Variants in R3HDM1 observed in about 807,000 individuals in gnomAD.
The protein encoded by R3HDM1 is R3H domain containing 1.
In R3HDM1, 46 loss-of-function variants were observed where a neutral mutation model predicts 141.1. The observed-to-expected ratio is 0.33, with a 90% CI of 0.26 to 0.42. The LOEUF is 0.42. Ranked by LOEUF, R3HDM1 falls within the 10% of genes least tolerant of loss-of-function variation. R3HDM1 has a pLI of 1.00. For missense variants in R3HDM1, 1,184 were observed against 1,368.3 expected, an observed-to-expected ratio of 0.87 and a Z score of 2.12; for synonymous variants, 435 against 472.9, an observed-to-expected ratio of 0.92 and a Z score of 1.04.
intron 5 of R3HDM1, among the ~76,000 whole-genome samples, chr2:135,619,442 A>G (rs1230307155): frequency 2.0e-5 from 3 of 152,218 alleles, no homozygotes; most frequent in Middle Eastern, 3.2e-3. Flanking sequence ...TGACAGTTCA[A>G]AAAGATGAGT....
At chr2:135,550,285 T>C (rs992478159) in intron 1 of R3HDM1, 2 of 935,566 alleles carry the variant, frequency 2.1e-6, no homozygotes, top group Admixed American at 1.2e-4. Context: ...GTTTTATTTG[T>C]GATATATGGA....
intron 21 of R3HDM1, among the ~76,000 whole-genome samples, chr2:135,683,593 G>A (rs1344762181): frequency 2.0e-5 from 3 of 150,794 alleles, no homozygotes; most frequent in Non-Finnish European, 2.9e-5. Context: ...ATCTCTTTGG[G>A]TGAAAAAAAA....
At chr2:135,581,523 T>A in intron 1 of R3HDM1, 1 of 481,606 alleles carries the variant, frequency 2.1e-6, no homozygotes, top group Non-Finnish European at 2.7e-6. Flanking sequence ...TTATTAATAG[T>A]ATCTCCTCTC....
chr2:135,652,004 A>C lies in R3HDM1; in HGVS notation c.2000A>C (p.Gln667Pro), dbSNP rs2305165. 0.099 allele frequency: 159,493 copies of C among 1,604,660 alleles called. 11,409 individuals carry two copies. Among genetic ancestry groups the C allele is most frequent in the Middle Eastern group, 0.3 (1,797 of 5,992 alleles). The change falls in exon 18 of 27, where the codon CAG becomes CCG. Residue 667 changes from glutamine (Q) to proline (P), a missense_variant. Transcript: ENST00000683871. The part of the protein sequence containing the change: ...HPVSQPVLQQ[Q>P]GYIQQPSPQM... ...GTCAGCCAGCCTGTGCTCCAGCAGC[A>C]GGGATATATTCAGCAGCCATCACCA...
rs1262743871 is a variant in R3HDM1, at chr2:135,650,584, GTACT to G, written c.1725+583_1725+586del. 4 of 979,964 alleles carry G rather than the reference GTACT, an allele frequency of 4.1e-6. No individual in the cohort carries two copies. In the Admixed American group the frequency reaches 2.5e-4, roughly 60 times the overall value. 60.7% of individuals were successfully genotyped at this position (979,964 alleles called of 1,614,324 possible). On this transcript the variant is annotated intron_variant, in intron 17 of 26. Coordinates refer to ENST00000683871, the MANE Select transcript of R3HDM1 (RefSeq NM_001378107.1). ...ACTCTGAGAGTGGTATACAATTATG[GTACT>G]TCTGTTAACAATATTTGATCATATA...
chr2:135,705,127 G>A (rs1245594713), intron 21 of R3HDM1, among the ~76,000 whole-genome samples: 1 of 152,198 alleles, frequency 6.6e-6, no homozygotes, highest in Non-Finnish European at 1.5e-5. Context: ...ATGGCAACAT[G>A]TATTAATTTG....
intron 9 of R3HDM1, 105 bp from the exon 10 acceptor site, chr2:135,635,784 GT>G: frequency 3.6e-6 from 5 of 1,383,080 alleles, no homozygotes; most frequent in Non-Finnish European, 4.8e-6. Context: ...GCACTAAAAA[GT>G]GGTAACTTAT....
chr2:135,619,876 T>C (rs1451967527), intron 5 of R3HDM1: 2 of 227,744 alleles, frequency 8.8e-6, no homozygotes, highest in Non-Finnish European at 7.3e-6. Context: ...ACAGATGTTA[T>C]TGACAGAGTG....
intron 5 of R3HDM1, chr2:135,619,743 A>G (rs1030210049): frequency 1.0e-6 from 1 of 967,830 alleles, no homozygotes; most frequent in Non-Finnish European, 1.2e-6. Context: ...TGCTTGATTC[A>G]GAATGTGATT....
chr2:135,582,193 G>A (rs1706965569), intron 1 of R3HDM1, among the ~76,000 whole-genome samples: 1 of 152,102 alleles, frequency 6.6e-6, no homozygotes, highest in African/African-American at 2.4e-5. Flanking sequence ...AGCCAGGCAT[G>A]GTGGCGCACA....
intron 15 of R3HDM1, 134 bp downstream of exon 15, chr2:135,641,924 A>T (rs996959682): frequency 1.8e-6 from 2 of 1,128,578 alleles, no homozygotes; most frequent in Non-Finnish European, 1.2e-6. Context: ...ACTTTATAAC[A>T]AAAACACTTA....
chr2:135,612,309 A>G (rs2060621601), intron 3 of R3HDM1, among the ~76,000 whole-genome samples: 2 of 152,334 alleles, frequency 1.3e-5, no homozygotes, highest in South Asian at 4.1e-4. Context: ...AACCTCTTCA[A>G]GGTGTTTTGA....
chr2:135,576,201 C>T (rs919567830), intron 1 of R3HDM1, among the ~76,000 whole-genome samples: 1 of 151,932 alleles, frequency 6.6e-6, no homozygotes, highest in African/African-American at 2.4e-5. Context: ...AGTTTGAGAC[C>T]ACCCTGGATA....
chr2:135,609,562 G>A (rs2060352844), intron 3 of R3HDM1, among the ~76,000 whole-genome samples: 1 of 152,164 alleles, frequency 6.6e-6, no homozygotes, highest in East Asian at 1.9e-4. Flanking sequence ...CATTTGGAAG[G>A]TTGGGGTGGT....
intron 1 of R3HDM1, among the ~76,000 whole-genome samples, chr2:135,562,109 C>T (rs1397078522): frequency 6.6e-6 from 1 of 152,200 alleles, no homozygotes; most frequent in Non-Finnish European, 1.5e-5. Context: ...AGAAACAGCC[C>T]ATTGCACAAT....
chr2:135,716,365 G>T (rs2076152195), intron 24 of R3HDM1, among the ~76,000 whole-genome samples: 1 of 152,176 alleles, frequency 6.6e-6, no homozygotes, highest in Non-Finnish European at 1.5e-5. Context: ...TAAGGAAATG[G>T]CTATGCCCTT....
Position 135,558,724 on chromosome 2 carries a change from C to T in R3HDM1, c.-250+27091C>T, listed in dbSNP as rs79054584. ...TGTGTATATTATTATGGACTGAGTACAGAATATGTAGTTTGGGGAGATTTA... is the reference window on the plus strand; with the variant it reads ...TGTGTATATTATTATGGACTGAGTATAGAATATGTAGTTTGGGGAGATTTA... On this transcript the variant is annotated intron_variant, in intron 1 of 26. Coordinates refer to ENST00000683871, the MANE Select transcript of R3HDM1 (RefSeq NM_001378107.1). Among the ~76,000 whole-genome samples the T allele has an allele frequency of 3.5e-4, 54 of 152,234 alleles. No individual in the cohort carries two copies. The East Asian group carries it at 6.6e-3, about 18-fold the overall frequency.
chr2:135,713,976 A>G (rs2075919898), intron 23 of R3HDM1, among the ~76,000 whole-genome samples: 1 of 152,210 alleles, frequency 6.6e-6, no homozygotes, highest in Admixed American at 6.5e-5. Context: ...AGTGTAATAT[A>G]AAGTGATAAA....
chr2:135,564,924 A>G (rs1702442955), intron 1 of R3HDM1, among the ~76,000 whole-genome samples: 1 of 152,226 alleles, frequency 6.6e-6, no homozygotes, highest in Non-Finnish European at 1.5e-5. Context: ...TCTTATTTTA[A>G]CTAAAAATCA....
Sources: gnomAD v4.1 joint callset for allele counts (sites outside exome capture counted in the v4.1 genomes callset) on GRCh38, gnomAD v4.1.1 for gene constraint, MANE v1.5 for transcripts, NCBI Gene and HGNC (gene_info 2026-07-23, HGNC 2026-07-21) for gene names.